Variants in SLC14A2 observed in about 807,000 individuals in gnomAD.
SLC14A2 encodes urea transporter 2.
In SLC14A2, 91 loss-of-function variants were observed where a neutral mutation model predicts 104.6. That is an observed-to-expected ratio of 0.87 (90% CI 0.73 to 1.04). The LOEUF (loss-of-function observed/expected upper bound fraction) is 1.04, where lower values mean the gene tolerates loss of function less well. SLC14A2 is among the 50% of genes least tolerant of loss of function. The pLI is 0.00. For synonymous variants in SLC14A2, 476 were observed against 466.4 expected, an observed-to-expected ratio of 1.02 and a Z score of -0.27; for missense variants, 1,189 against 1,156.0, an observed-to-expected ratio of 1.03 and a Z score of -0.41.
At chr18:45,675,975 A>G (rs2046224417) in intron 18 of SLC14A2, among the ~76,000 whole-genome samples, 1 of 152,008 alleles carries the variant, frequency 6.6e-6, no homozygotes, top group Non-Finnish European at 1.5e-5. Context: ...CTGGAATTAA[A>G]TGTCACTGTG....
intron 1 of SLC14A2, among the ~76,000 whole-genome samples, chr18:45,616,091 G>A (rs1396650045): frequency 1.3e-5 from 2 of 152,166 alleles, no homozygotes; most frequent in African/African-American, 4.8e-5. Context: ...CTGCAGAGAA[G>A]CTGAAAATTG....
chr18:45,473,890 C>G (rs2087300981), intron 1 of SLC14A2, among the ~76,000 whole-genome samples: 1 of 152,094 alleles, frequency 6.6e-6, no homozygotes, highest in Non-Finnish European at 1.5e-5. Flanking sequence ...GCCTGATTGC[C>G]CTGGCCAGAA....
rs573393059 is a variant in SLC14A2, at chr18:45,404,216, A to G, written c.-124-79017A>G. ...TCTGTCTCCCTCCTTTAGTTATGGG[A>G]TAACTCATTTATCCTTGGGTTCTTA... On this transcript the variant is annotated intron_variant, in intron 1 of 20. Transcript: ENST00000586448. Among the ~76,000 whole-genome samples the G allele has an allele frequency of 1.6e-4, 24 of 152,304 alleles. 1 individual carries two copies. The highest frequency in any genetic ancestry group is 3.4e-3 in the Middle Eastern group (1 of 294).
At chr18:45,410,936 G>A in intron 1 of SLC14A2, among the ~76,000 whole-genome samples, 1 of 152,158 alleles carries the variant, frequency 6.6e-6, no homozygotes, top group South Asian at 2.1e-4. Flanking sequence ...ATAAGCATTA[G>A]CTCCCCATCC....
At chr18:45,514,925 C>T (rs1016405118) in intron 2 of SLC14A2, among the ~76,000 whole-genome samples, 14 of 152,130 alleles carry the variant, frequency 9.2e-5, no homozygotes, top group Admixed American at 3.9e-4. Context: ...TATATTCTTT[C>T]CCCTGTTCCA....
At chr18:45,580,980 G>T (rs554096827) in intron 2 of SLC14A2, among the ~76,000 whole-genome samples, 1 of 152,158 alleles carries the variant, frequency 6.6e-6, no homozygotes, top group Non-Finnish European at 1.5e-5. Flanking sequence ...CAGTTGTTCT[G>T]CAGGACAGCT....
chr18:45,653,663 C>T (rs1224501580), intron 10 of SLC14A2, among the ~76,000 whole-genome samples: 5 of 152,110 alleles, frequency 3.3e-5, no homozygotes, highest in Non-Finnish European at 5.9e-5. Flanking sequence ...GGTGGGGGTT[C>T]GTCACACCCT....
At position 45,272,233 on chromosome 18, in the gene SLC14A2, C is replaced by T. The variant is rs575723858; in HGVS notation, c.-125+59042C>T. Among the ~76,000 whole-genome samples the T allele has an allele frequency of 2.0e-5, 3 of 152,170 alleles. No individual in the cohort carries two copies. The South Asian group carries it at 6.2e-4, about 32-fold the overall frequency. ...CAGCTACCATATCATCCAGCAATCC[C>T]ACTGCTGGGTATATATCCAAAAGAA... On this transcript the variant is annotated intron_variant, in intron 1 of 20. Coordinates refer to the SLC14A2 transcript ENST00000586448.
the SLC14A2 span, among the ~76,000 whole-genome samples, chr18:45,202,097 T>C: frequency 6.6e-6 from 1 of 152,174 alleles, no homozygotes; most frequent in Admixed American, 6.5e-5. Context: ...CTTCAGCAGG[T>C]ATTAATAAGC....
At chr18:45,233,484 A>T (rs776006354) in intron 1 of SLC14A2, among the ~76,000 whole-genome samples, 2 of 152,156 alleles carry the variant, frequency 1.3e-5, no homozygotes, top group Non-Finnish European at 2.9e-5. Context: ...CACTGGAAGA[A>T]ACCAAACAAA....
Position 45,667,859 on chromosome 18 carries a change from G to C in SLC14A2, c.1744G>C (p.Asp582His). The change falls in exon 14 of 20, where the codon GAC becomes CAC. Residue 582 changes from aspartate (D) to histidine (H), a missense_variant. Asp to His is a moderately conservative substitution (Grantham distance 81). Coordinates refer to ENST00000255226, the MANE Select transcript of SLC14A2 (RefSeq NM_007163.4). ...KDKSPVFQFF[D>H]WVLRGTSQVM... is the part of the protein sequence containing the mutation. ...CAAGTCCCCAGTGTTCCAGTTCTTT[G>C]ACTGGGTCCTCCGAGGCACATCTCA... The C allele has an allele frequency of 1.2e-6, 2 of 1,614,102 alleles. No homozygotes were observed. Among genetic ancestry groups the C allele is most frequent in the Non-Finnish European group, 1.7e-6 (2 of 1,180,004 alleles).
chr18:45,364,694 C>T (rs9957358), intron 1 of SLC14A2, among the ~76,000 whole-genome samples: 1 of 151,926 alleles, frequency 6.6e-6, no homozygotes, highest in African/African-American at 2.4e-5. Flanking sequence ...TTACAAGCAG[C>T]AGGGATTGGG....
rs959512443 is a variant in SLC14A2, at chr18:45,521,250, T to A, written c.-35+37928T>A. On this transcript the variant is annotated intron_variant, in intron 2 of 20. Transcript: ENST00000586448. ...CTTGATTATCCTTACTGATGGAGAG[T>A]TGTGCTAGGCACTGAGTCCGACAGG... 3.2e-4 allele frequency among the ~76,000 whole-genome samples: 48 copies of A among 152,170 alleles called. 1 individual carries two copies. The highest frequency in any genetic ancestry group is 1.2e-3 in the African/African-American group (48 of 41,414).
intron 10 of SLC14A2, among the ~76,000 whole-genome samples, chr18:45,655,751 C>A (rs1321046961): frequency 6.6e-6 from 1 of 152,130 alleles, no homozygotes; most frequent in Non-Finnish European, 1.5e-5. Flanking sequence ...GGGGGTATTG[C>A]GATTGGGATG....
chr18:45,359,081 A>T (rs1010847720), intron 1 of SLC14A2, among the ~76,000 whole-genome samples: 1 of 152,072 alleles, frequency 6.6e-6, no homozygotes, highest in African/African-American at 2.4e-5. Context: ...AGATGAGATA[A>T]TGTCACTTTT....
intron 1 of SLC14A2, among the ~76,000 whole-genome samples, chr18:45,249,976 A>C (rs567548683): frequency 1.3e-5 from 2 of 152,252 alleles, no homozygotes; most frequent in African/African-American, 4.8e-5. Context: ...TGTTGAATTC[A>C]TTCTATGAAT....
chr18:45,530,823 A>G (rs539800761), intron 2 of SLC14A2, among the ~76,000 whole-genome samples: 46 of 152,108 alleles, frequency 3.0e-4, no homozygotes, highest in Non-Finnish European at 6.0e-4. Flanking sequence ...AGCATTAGGT[A>G]TATCTCCTAA....
rs1489159787 is a variant in SLC14A2 at position 45,672,887 on chromosome 18, G to A, written c.2230-13G>A. Reference sequence around the variant, plus strand: ...GCCTCCATAATGAGCATGTAATCCTGTTATGCCTACAGCTTTTGAGAGCCA... The same window carrying A: ...GCCTCCATAATGAGCATGTAATCCTATTATGCCTACAGCTTTTGAGAGCCA... On this transcript the variant is annotated splice_polypyrimidine_tract_variant and intron_variant, in intron 16 of 19. Transcript: ENST00000255226. The A allele has an allele frequency of 1.2e-6, 2 of 1,611,022 alleles. No homozygotes were observed. The highest frequency in any genetic ancestry group is 1.7e-5 in the Admixed American group (1 of 59,568).
Position 45,643,204 on chromosome 18 carries a change from A to G in SLC14A2, c.1176+23A>G, listed in dbSNP as rs541897529. The G allele has an allele frequency of 1.4e-4, 226 of 1,608,844 alleles. No homozygotes were observed. The South Asian group carries it at 2.3e-3, about 16-fold the overall frequency. ...GTGGTAAGTGTGGATTCTCCTGAAC[A>G]CTACCCCAAAGTGCTCTTCCCAGAG... On this transcript the variant is annotated intron_variant, in intron 9 of 19. Transcript: ENST00000255226.
Sources: allele counts gnomAD v4.1 joint callset (sites outside exome capture counted in the v4.1 genomes callset), GRCh38; gene constraint gnomAD v4.1.1; transcripts MANE v1.5; gene names NCBI Gene and HGNC (gene_info 2026-07-23, HGNC 2026-07-21).